Variants in EYA4 observed in about 807,000 individuals in gnomAD.
The protein encoded by EYA4 is protein phosphatase EYA4.
Under a neutral mutation model 87.9 loss-of-function variants are expected in EYA4, and 31 were observed. The ratio of observed to expected loss-of-function variants is 0.35; its 90% CI spans 0.27 to 0.48. EYA4 has a LOEUF of 0.48. Ranked by LOEUF, EYA4 falls within the 20% of genes least tolerant of loss-of-function variation. The pLI, the probability that EYA4 is intolerant of heterozygous loss-of-function variation, is 0.99. For missense variants in EYA4, 678 were observed against 761.4 expected (o/e 0.89, Z 1.29); for synonymous variants, 263 against 270.6 (o/e 0.97, Z 0.28).
At chr6:133,327,380 C>T (rs1781581264) in intron 2 of EYA4, among the ~76,000 whole-genome samples, 1 of 152,028 alleles carries the variant, frequency 6.6e-6, no homozygotes, top group South Asian at 2.1e-4. Flanking sequence ...GATCTGTCTG[C>T]CTTGACATCC....
Position 133,264,278 on chromosome 6 carries a change from C to A in EYA4, c.-65-10438C>A, listed in dbSNP as rs547967441. Among the ~76,000 whole-genome samples, 3 of 152,330 alleles carry A rather than the reference C, an allele frequency of 2.0e-5. No homozygotes were observed. In the South Asian group the frequency reaches 6.2e-4, roughly 32 times the overall value. On this transcript the variant is annotated intron_variant, in intron 1 of 19. Coordinates refer to ENST00000355286, the MANE Select transcript of EYA4 (RefSeq NM_004100.5). The stretch of plus-strand genomic sequence containing the variant: ...CCCTTCAAGGGGCCTTTTGGCAGAG[C>A]GGTACTACCGCTAGACACTGCCATG...
At chr6:133,402,096 A>G (rs1038383385) in intron 3 of EYA4, among the ~76,000 whole-genome samples, 46 of 152,274 alleles carry the variant, frequency 3.0e-4, no homozygotes, top group Admixed American at 9.8e-4. Context: ...AGATATCTAG[A>G]TCATTTCAGC....
At chr6:133,505,437 A>T (rs1202840965) in intron 13 of EYA4, among the ~76,000 whole-genome samples, 2 of 152,206 alleles carry the variant, frequency 1.3e-5, no homozygotes, top group Non-Finnish European at 2.9e-5. Context: ...CCTGGATTAC[A>T]CTTAGAGAAC....
chr6:133,346,360 A>G (rs1305653698), intron 2 of EYA4, among the ~76,000 whole-genome samples: 1 of 152,174 alleles, frequency 6.6e-6, no homozygotes, highest in Non-Finnish European at 1.5e-5. Flanking sequence ...GTACAGTTTC[A>G]CAGGCTTGAA....
intron 1 of EYA4, among the ~76,000 whole-genome samples, 169 bp downstream of exon 1, chr6:133,241,918 G>T (rs936347536): frequency 2.0e-5 from 3 of 152,164 alleles, no homozygotes; most frequent in Non-Finnish European, 2.9e-5. Context: ...TCCCCGGGGG[G>T]CGCTTGGAGG....
At position 133,425,108 on chromosome 6, in the gene EYA4, A is replaced by G. The variant is rs549997312; in HGVS notation, c.84-21522A>G. 7.3e-5 allele frequency among the ~76,000 whole-genome samples: 11 copies of G among 150,978 alleles called. No homozygotes were observed. The South Asian group carries it at 1.1e-3, about 14-fold the overall frequency. The stretch of plus-strand genomic sequence containing the variant: ...CTACAGTTTATCTATCCGCTCACCT[A>G]TTAATGGACATTTGTGTTATTTCCA... On this transcript the variant is annotated intron_variant, in intron 3 of 19. Transcript: ENST00000355286.
intron 11 of EYA4, among the ~76,000 whole-genome samples, chr6:133,479,042 C>T (rs1461797956): frequency 2.6e-5 from 4 of 152,012 alleles, no homozygotes; most frequent in South Asian, 2.1e-4. Context: ...TTTTATGGAA[C>T]GTCATCCAAA....
chr6:133,365,254 C>T (rs1031627925), intron 2 of EYA4, among the ~76,000 whole-genome samples: 6 of 152,130 alleles, frequency 3.9e-5, no homozygotes, highest in African/African-American at 1.4e-4. Flanking sequence ...ATTCACGAAA[C>T]GGAGGCTAGC....
chr6:133,393,008 T>C (rs887484949), intron 3 of EYA4, among the ~76,000 whole-genome samples: 1 of 152,172 alleles, frequency 6.6e-6, no homozygotes, highest in African/African-American at 2.4e-5. Context: ...CCTAAGGAGC[T>C]AGGACAAGAC....
chr6:133,406,033 C>T (rs1414784020), intron 3 of EYA4, among the ~76,000 whole-genome samples: 1 of 151,774 alleles, frequency 6.6e-6, no homozygotes, highest in South Asian at 2.1e-4. Flanking sequence ...TACCTACCTA[C>T]CTACCTACCT....
At chr6:133,422,438 A>G (rs1046960512) in intron 3 of EYA4, among the ~76,000 whole-genome samples, 2 of 152,234 alleles carry the variant, frequency 1.3e-5, no homozygotes, top group South Asian at 2.1e-4. Flanking sequence ...TCCTATTAAT[A>G]CATGTAGCTC....
At chr6:133,513,651 G>A (rs1310433406) in intron 16 of EYA4, among the ~76,000 whole-genome samples, 3 of 152,028 alleles carry the variant, frequency 2.0e-5, no homozygotes, top group East Asian at 3.9e-4. Flanking sequence ...TTTTACAGGT[G>A]ATATCAAAAC....
rs73557704 is a variant in EYA4 at position 133,253,420 on chromosome 6, A to G, written c.-66+11671A>G. ...TTCCAAATGAGCACTTCCTGGGTTC[A>G]TAAATCAAGGAACCCCACAGAGTAT... On this transcript the variant is annotated intron_variant, in intron 1 of 19. Coordinates refer to ENST00000355286, the MANE Select transcript of EYA4 (RefSeq NM_004100.5). 2.1e-3 allele frequency among the ~76,000 whole-genome samples: 326 copies of G among 152,296 alleles called. 2 individuals are homozygous for G. Among genetic ancestry groups the G allele is most frequent in the African/African-American group, 7.4e-3 (307 of 41,566 alleles).
chr6:133,376,752 G>A (rs1295652443), intron 2 of EYA4, among the ~76,000 whole-genome samples: 1 of 151,856 alleles, frequency 6.6e-6, no homozygotes, highest in Non-Finnish European at 1.5e-5. Context: ...AAAGAGTCCA[G>A]AAATTATGGT....
At chr6:133,425,098 C>T (rs1790553313) in intron 3 of EYA4, among the ~76,000 whole-genome samples, 1 of 150,766 alleles carries the variant, frequency 6.6e-6, no homozygotes, top group African/African-American at 2.5e-5. Flanking sequence ...GTTTATCTAT[C>T]CGCTCACCTA....
intron 2 of EYA4, among the ~76,000 whole-genome samples, chr6:133,351,920 C>T (rs1459086521): frequency 6.6e-6 from 1 of 151,770 alleles, no homozygotes; most frequent in Non-Finnish European, 1.5e-5. Flanking sequence ...CAGCCTCTTA[C>T]CCATCTAGAT....
intron 2 of EYA4, among the ~76,000 whole-genome samples, chr6:133,370,812 T>TA (rs144364055): frequency 0.037 from 5,702 of 152,278 alleles, 327 homozygotes; most frequent in African/African-American, 0.13. Context: ...AGATATGTCA[T>TA]ATTTTTAAGA....
At chr6:133,472,460 A>G (rs1237757683) in intron 11 of EYA4, among the ~76,000 whole-genome samples, 1 of 92,942 alleles carries the variant, frequency 1.1e-5, no homozygotes, top group Non-Finnish European at 2.0e-5. Context: ...TCTGAGAGAT[A>G]GTCTGTTATA....
intron 13 of EYA4, among the ~76,000 whole-genome samples, chr6:133,499,367 C>T (rs191618539): frequency 6.6e-6 from 1 of 152,164 alleles, no homozygotes; most frequent in African/African-American, 2.4e-5. Context: ...ATCCTCCCAA[C>T]ATGGTATTTT....
Sources: gnomAD v4.1 joint callset for allele counts (sites outside exome capture counted in the v4.1 genomes callset) on GRCh38, gnomAD v4.1.1 for gene constraint, MANE v1.5 for transcripts, NCBI Gene and HGNC (gene_info 2026-07-23, HGNC 2026-07-21) for gene names.